CCSER1: variants seen among roughly 807,000 people sequenced by gnomAD.
The protein encoded by CCSER1 is serine-rich coiled-coil domain-containing protein 1.
A neutral mutation model predicts 82.0 loss-of-function variants in CCSER1; 41 were observed. That is an observed-to-expected ratio of 0.50 (90% CI 0.39 to 0.65). The LOEUF (loss-of-function observed/expected upper bound fraction) is 0.65, where lower values mean the gene tolerates loss of function less well. CCSER1 is among the 30% of genes least tolerant of loss of function. CCSER1 has a pLI of 0.00. For synonymous variants in CCSER1, 414 were observed against 383.9 expected, an observed-to-expected ratio of 1.08 and a Z score of -0.92; for missense variants, 1,119 against 1,064.2, an observed-to-expected ratio of 1.05 and a Z score of -0.72.
chr4:91,233,591 T>G (rs1738782079), intron 10 of CCSER1, among the ~76,000 whole-genome samples: 1 of 151,976 alleles, frequency 6.6e-6, no homozygotes, highest in Non-Finnish European at 1.5e-5. Flanking sequence ...TACTTTCCCT[T>G]TTACTAATTT....
chr4:91,198,685 G>T (rs1735654385), intron 10 of CCSER1, among the ~76,000 whole-genome samples: 1 of 152,094 alleles, frequency 6.6e-6, no homozygotes, highest in Non-Finnish European at 1.5e-5. Context: ...AGTACTAAAA[G>T]ATGTATCAAT....
chr4:90,522,992 C>G (rs2153626197), intron 5 of CCSER1, among the ~76,000 whole-genome samples: 1 of 151,968 alleles, frequency 6.6e-6, no homozygotes, highest in African/African-American at 2.4e-5. Flanking sequence ...ATCCCATAAT[C>G]ATTTACCCCC....
intron 5 of CCSER1, among the ~76,000 whole-genome samples, chr4:90,620,182 G>C (rs1019914773): frequency 4.0e-5 from 6 of 151,882 alleles, no homozygotes; most frequent in Non-Finnish European, 7.4e-5. Flanking sequence ...AATTCCCTAA[G>C]ACTGTAACTT....
At chr4:91,383,792 T>A in intron 10 of CCSER1, among the ~76,000 whole-genome samples, 1 of 152,182 alleles carries the variant, frequency 6.6e-6, no homozygotes, top group Non-Finnish European at 1.5e-5. Context: ...ATAGCCTGAA[T>A]ATTTATTTTT....
chr4:91,102,650 T>C (rs1725196249), intron 10 of CCSER1, among the ~76,000 whole-genome samples: 1 of 152,228 alleles, frequency 6.6e-6, no homozygotes. Flanking sequence ...AAACAAATGA[T>C]AATATTTATT....
intron 10 of CCSER1, among the ~76,000 whole-genome samples, chr4:91,089,088 C>T (rs1321340932): frequency 6.6e-6 from 1 of 152,260 alleles, no homozygotes; most frequent in East Asian, 1.9e-4. Flanking sequence ...AGCAGACTAG[C>T]ATCCTAAAAT....
At chr4:90,572,896 A>G (rs538475701) in intron 5 of CCSER1, among the ~76,000 whole-genome samples, 17 of 152,132 alleles carry the variant, frequency 1.1e-4, no homozygotes, top group Non-Finnish European at 2.1e-4. Context: ...ATTATTCTTC[A>G]TCCTTGTGAT....
At chr4:90,883,551 G>T (rs1721656392) in intron 8 of CCSER1, among the ~76,000 whole-genome samples, 1 of 150,500 alleles carries the variant, frequency 6.6e-6, no homozygotes, top group African/African-American at 2.4e-5. Context: ...TTTTTTTTTA[G>T]GTCGAATGAA....
chr4:91,424,386 C>T (rs973900221), intron 10 of CCSER1, among the ~76,000 whole-genome samples: 4 of 152,102 alleles, frequency 2.6e-5, no homozygotes, highest in African/African-American at 4.8e-5. Flanking sequence ...AATGCCCTCT[C>T]ACACTTTACC....
intron 10 of CCSER1, among the ~76,000 whole-genome samples, chr4:91,361,945 G>C (rs1307322993): frequency 6.6e-6 from 1 of 151,630 alleles, no homozygotes; most frequent in Admixed American, 6.6e-5. Flanking sequence ...AGGGTATTTG[G>C]CGCTATTTTA....
rs1216113163 is a variant in CCSER1, at chr4:90,309,095, A to G, written c.811A>G (p.Met271Val). ...LALTEDSVSE[M>V]DAFSKSGSMA... ...CTTGACTGAAGATTCTGTGTCTGAA[A>G]TGGATGCATTTTCTAAAAGTGGAAG... The change falls in exon 2 of 11, where the codon ATG (methionine) becomes GTG (valine). Residue 271 changes from methionine (M) to valine (V), a missense_variant. Physicochemically the swap from Met to Val is conservative, Grantham distance 21. Coordinates refer to ENST00000509176, the MANE Select transcript of CCSER1 (RefSeq NM_001145065.2). 1 of 1,613,786 alleles carries G rather than the reference A, an allele frequency of 6.2e-7. No homozygotes were observed. The highest frequency in any genetic ancestry group is 8.5e-7 in the Non-Finnish European group (1 of 1,179,854).
At chr4:91,001,604 G>A (rs146728783) in intron 9 of CCSER1, among the ~76,000 whole-genome samples, 105 of 152,128 alleles carry the variant, frequency 6.9e-4, no homozygotes, top group African/African-American at 2.5e-3. Flanking sequence ...CATTTGCATG[G>A]GATGTCTTTT....
Position 90,303,954 on chromosome 4 carries a change from A to G in CCSER1, c.-41-4290A>G, listed in dbSNP as rs945716081. ...TACAATGAACTCAAACAAATTTACA[A>G]GAGAAAACCAAACAACCCCATCAAA... On this transcript the variant is annotated intron_variant, in intron 1 of 10. Transcript: ENST00000509176. Among the ~76,000 whole-genome samples, 8 of 152,198 alleles carry G rather than the reference A, an allele frequency of 5.3e-5. No homozygotes were observed. The East Asian group carries it at 1.2e-3, about 22-fold the overall frequency.
rs59586682 is a variant in CCSER1, at chr4:90,180,120, T to TTATATA, written c.-42+52306_-42+52311dup. On this transcript the variant is annotated intron_variant, in intron 1 of 10. Coordinates refer to ENST00000509176, the MANE Select transcript of CCSER1 (RefSeq NM_001145065.2). ...TTTGATGTATGTATTGCTTATGTAG[T>TTATATA]TATATATATATATATATATATAAAT... Among the ~76,000 whole-genome samples, 580 of 140,302 alleles carry TTATATA rather than the reference T, an allele frequency of 4.1e-3. 5 individuals carry two copies. The highest frequency in any genetic ancestry group is 0.029 in the South Asian group (128 of 4,390). The allele number at this position is 140,302 out of a possible 152,430, so 92.0% of individuals were successfully genotyped here.
intron 6 of CCSER1, among the ~76,000 whole-genome samples, chr4:90,648,723 G>T (rs1728180882): frequency 6.6e-6 from 1 of 152,138 alleles, no homozygotes; most frequent in African/African-American, 2.4e-5. Flanking sequence ...CTTGATCTTG[G>T]ACTTCTAGCT....
intron 10 of CCSER1, among the ~76,000 whole-genome samples, chr4:91,198,284 A>G (rs1369290280): frequency 1.3e-5 from 2 of 152,188 alleles, no homozygotes; most frequent in Non-Finnish European, 2.9e-5. Context: ...ATTTTCACAT[A>G]GGTGCAACAA....
chr4:90,449,872 G>A (rs1181473658), intron 4 of CCSER1, among the ~76,000 whole-genome samples: 1 of 152,166 alleles, frequency 6.6e-6, no homozygotes, highest in Non-Finnish European at 1.5e-5. Flanking sequence ...AGGAGGGTGA[G>A]GCTCTGCCCC....
At chr4:91,332,835 T>G (rs1358982457) in intron 10 of CCSER1, among the ~76,000 whole-genome samples, 1 of 152,020 alleles carries the variant, frequency 6.6e-6, no homozygotes, top group African/African-American at 2.4e-5. Context: ...AAAGGCCTTG[T>G]CATTTTCCCT....
chr4:91,107,817 G>T (rs3944130), intron 10 of CCSER1, among the ~76,000 whole-genome samples: 51,903 of 151,462 alleles, frequency 0.34, 9,184 homozygotes, highest in East Asian at 0.45. Flanking sequence ...GTCAGTAATA[G>T]CCCTTCTAGA....
Sources: gnomAD v4.1 joint callset for allele counts (sites outside exome capture counted in the v4.1 genomes callset) on GRCh38, gnomAD v4.1.1 for gene constraint, MANE v1.5 for transcripts, NCBI Gene and HGNC (gene_info 2026-07-23, HGNC 2026-07-21) for gene names.